Variants in PAK5 observed in about 807,000 individuals in gnomAD.
PAK5 encodes the protein p21 (RAC1) activated kinase 5, also known as serine/threonine-protein kinase PAK 5.
In PAK5, 16 loss-of-function variants were observed where a neutral mutation model predicts 65.9. The observed-to-expected ratio is 0.24, with a 90% CI of 0.16 to 0.37. The LOEUF is 0.37. Ranked by LOEUF, PAK5 falls within the 10% of genes least tolerant of loss-of-function variation. PAK5 has a pLI of 1.00. For missense variants in PAK5, 785 were observed against 903.9 expected, an observed-to-expected ratio of 0.87 and a Z score of 1.69; for synonymous variants, 371 against 354.9, an observed-to-expected ratio of 1.05 and a Z score of -0.51.
chr20:9,681,134 A>G (rs2047644277), intron 2 of PAK5, among the ~76,000 whole-genome samples: 1 of 152,202 alleles, frequency 6.6e-6, no homozygotes, highest in Admixed American at 6.5e-5. Flanking sequence ...AATAAAGTAT[A>G]ATACATTTTT....
At chr20:9,638,715 C>G (rs2047012358) in intron 3 of PAK5, among the ~76,000 whole-genome samples, 2 of 152,172 alleles carry the variant, frequency 1.3e-5, no homozygotes, top group Admixed American at 1.3e-4. Context: ...CTAAATAAGT[C>G]TACACAGAGG....
rs1424011591 is a variant in PAK5 at position 9,800,981 on chromosome 20, GT to G, written c.-162+37780del. Among the ~76,000 whole-genome samples, 3 of 151,772 alleles carry G rather than the reference GT, an allele frequency of 2.0e-5. No homozygotes were observed. In the Admixed American group the frequency reaches 2.0e-4, roughly 10 times the overall value. Reference sequence around the variant, plus strand: ...CTGAAAATTCAAAGACTGCAGGAGAGTTTGAAAAGTCTTCTAACAACAGTTC... The same window carrying G: ...CTGAAAATTCAAAGACTGCAGGAGAGTTGAAAAGTCTTCTAACAACAGTTC... On this transcript the variant is annotated intron_variant, in intron 1 of 9. Coordinates refer to ENST00000353224, the MANE Select transcript of PAK5 (RefSeq NM_177990.4).
intron 1 of PAK5, among the ~76,000 whole-genome samples, chr20:9,824,437 G>C (rs2123778244): frequency 6.6e-6 from 1 of 152,236 alleles, no homozygotes; most frequent in East Asian, 1.9e-4. Context: ...GAGAAGAATT[G>C]GCAGGACTGG....
At chr20:9,698,687 C>T (rs1262694042) in intron 2 of PAK5, among the ~76,000 whole-genome samples, 1 of 152,152 alleles carries the variant, frequency 6.6e-6, no homozygotes, top group African/African-American at 2.4e-5. Flanking sequence ...CACTTTGTTT[C>T]ACCCGGAGCT....
At chr20:9,575,955 C>T (rs1197233984) in intron 4 of PAK5, among the ~76,000 whole-genome samples, 1 of 152,168 alleles carries the variant, frequency 6.6e-6, no homozygotes, top group East Asian at 1.9e-4. Context: ...AACTGTAGAG[C>T]AGAGGTGATC....
rs537669172 is a variant in PAK5, at chr20:9,745,726, T to TACC, written c.-161-34294_-161-34292dup. Among the ~76,000 whole-genome samples, 7 of 152,228 alleles carry TACC rather than the reference T, an allele frequency of 4.6e-5. No individual in the cohort carries two copies. The South Asian group carries it at 1.5e-3, about 32-fold the overall frequency. ...CTGCATTTTAACATGCTTTTGGTGA[T>TACC]ACCAATGCTGCCACTCCATGGATCA... On this transcript the variant is annotated intron_variant, in intron 1 of 9. Coordinates refer to ENST00000353224, the MANE Select transcript of PAK5 (RefSeq NM_177990.4).
chr20:9,731,503 G>A (rs1006773497), intron 1 of PAK5, among the ~76,000 whole-genome samples: 1 of 152,014 alleles, frequency 6.6e-6, no homozygotes, highest in South Asian at 2.1e-4. Flanking sequence ...CTCCTGTATT[G>A]GGCATTCAAG....
Position 9,618,214 on chromosome 20 carries a change from A to G in PAK5, c.204+25911T>C, listed in dbSNP as rs75372460. On this transcript the variant is annotated intron_variant, in intron 3 of 9. Coordinates refer to ENST00000353224, the MANE Select transcript of PAK5 (RefSeq NM_177990.4). ...GAACAGCTCTAGGAAGTGCCAGAAC[A>G]TACAGTAAATACTACATAACTCCAA... 2.4e-4 allele frequency among the ~76,000 whole-genome samples: 37 copies of G among 152,240 alleles called. 1 individual carries two copies. The East Asian group carries it at 5.8e-3, about 24-fold the overall frequency.
At chr20:9,834,746 A>T (rs2123794269) in intron 1 of PAK5, among the ~76,000 whole-genome samples, 1 of 152,316 alleles carries the variant, frequency 6.6e-6, no homozygotes, top group East Asian at 1.9e-4. Context: ...TTGAAGAGAC[A>T]CTGGCATATA....
At chr20:9,805,575 T>C (rs2049221808) in intron 1 of PAK5, among the ~76,000 whole-genome samples, 1 of 152,146 alleles carries the variant, frequency 6.6e-6, no homozygotes, top group Admixed American at 6.6e-5. Context: ...ATGCTGCAAA[T>C]GGATGGACTT....
At chr20:9,609,135 T>A (rs1049747636) in intron 3 of PAK5, among the ~76,000 whole-genome samples, 2 of 58,504 alleles carry the variant, frequency 3.4e-5, no homozygotes, top group African/African-American at 8.5e-5. Flanking sequence ...GGCAACCACA[T>A]GATGCTGGGT....
chr20:9,569,343 G>A (rs1043746032), intron 4 of PAK5, among the ~76,000 whole-genome samples: 3 of 152,162 alleles, frequency 2.0e-5, no homozygotes, highest in African/African-American at 7.2e-5. Flanking sequence ...CCAGGGAAGA[G>A]TTAAAGCTAA....
At chr20:9,733,540 G>T (rs932886784) in intron 1 of PAK5, among the ~76,000 whole-genome samples, 1 of 151,994 alleles carries the variant, frequency 6.6e-6, no homozygotes, top group Non-Finnish European at 1.5e-5. Context: ...TGCCTCCCAG[G>T]TTCAAGCAGT....
intron 2 of PAK5, among the ~76,000 whole-genome samples, chr20:9,672,244 A>C (rs2047509922): frequency 6.6e-6 from 1 of 151,280 alleles, no homozygotes; most frequent in Non-Finnish European, 1.5e-5. Context: ...CTGGAAATGC[A>C]ACCCATTTAT....
At chr20:9,715,826 C>T (rs955126646) in intron 1 of PAK5, among the ~76,000 whole-genome samples, 3 of 144,696 alleles carry the variant, frequency 2.1e-5, no homozygotes, top group Non-Finnish European at 4.5e-5. Context: ...TGTTCTCACT[C>T]ATAGGTGGGA....
rs539421413 is a variant in PAK5 at position 9,557,348 on chromosome 20, G to T, written c.1743+260C>A. 2.0e-5 allele frequency among the ~76,000 whole-genome samples: 3 copies of T among 152,264 alleles called. No individual in the cohort carries two copies. In the South Asian group the frequency reaches 6.2e-4, roughly 32 times the overall value. Reference sequence around the variant, plus strand: ...AAACAGATGTGGCAGAAAAGGAAAAGAAATAGCCATAGTTTCTATTACTTC... The same window carrying T: ...AAACAGATGTGGCAGAAAAGGAAAATAAATAGCCATAGTTTCTATTACTTC... On this transcript the variant is annotated intron_variant, in intron 7 of 9. Coordinates refer to ENST00000353224, the MANE Select transcript of PAK5 (RefSeq NM_177990.4).
intron 3 of PAK5, among the ~76,000 whole-genome samples, chr20:9,604,552 T>G (rs1022743779): frequency 8.5e-5 from 13 of 152,252 alleles, no homozygotes; most frequent in Admixed American, 7.8e-4. Flanking sequence ...ATAGTTTAAG[T>G]GGAGGAATCA....
chr20:9,596,675 C>T (rs569640916), intron 3 of PAK5, among the ~76,000 whole-genome samples: 84 of 146,002 alleles, frequency 5.8e-4, no homozygotes, highest in African/African-American at 2.0e-3. Context: ...ACAGAGAAGT[C>T]GTGGCTTGAG....
intron 3 of PAK5, among the ~76,000 whole-genome samples, chr20:9,628,161 C>A (rs1233802123): frequency 6.6e-6 from 1 of 152,158 alleles, no homozygotes; most frequent in Non-Finnish European, 1.5e-5. Context: ...TTCTTGACTG[C>A]TAATGTTTTA....
Sources: gnomAD v4.1 joint callset for allele counts (sites outside exome capture counted in the v4.1 genomes callset) on GRCh38, gnomAD v4.1.1 for gene constraint, MANE v1.5 for transcripts, NCBI Gene and HGNC (gene_info 2026-07-23, HGNC 2026-07-21) for gene names.